The following DNAH9 variants were observed in gnomAD, a reference collection of about 807,000 sequenced individuals.
DNAH9 encodes the protein DNAH9 variant protein.
DNAH9 carries 345 observed loss-of-function variants against 471.6 expected under a neutral mutation model. The observed-to-expected ratio is 0.73, with a 90% CI of 0.67 to 0.80. DNAH9 has a LOEUF of 0.80. Ranked by LOEUF, DNAH9 falls within the 30% of genes least tolerant of loss-of-function variation. DNAH9 has a pLI of 0.00. For synonymous variants in DNAH9, 2,093 were observed against 2,123.6 expected (o/e 0.99, Z 0.40); for missense variants, 5,407 against 5,609.2 (o/e 0.96, Z 1.15).
Position 11,929,892 on chromosome 17 carries a change from C to T in DNAH9, c.11904C>T (p.Leu3968=). ...LQNIHLVAKW[L]STLEKKLEEH... ...ACATTCACCTGGTGGCCAAGTGGCT[C>T]AGCACCCTGGAGAAGAAGCTGGAGG... The change falls in exon 63 of 69, where the codon CTC becomes CTT. Residue 3968 remains leucine (L), a synonymous_variant. Transcript: ENST00000262442. The T allele has an allele frequency of 4.3e-6, 7 of 1,613,856 alleles. No homozygotes were observed. Among genetic ancestry groups the T allele is most frequent in the Non-Finnish European group, 5.9e-6 (7 of 1,179,914 alleles).
At chr17:11,959,191 A>G (rs1044170684) in intron 67 of DNAH9, among the ~76,000 whole-genome samples, 1 of 152,198 alleles carries the variant, frequency 6.6e-6, no homozygotes, top group Non-Finnish European at 1.5e-5. Context: ...TTTCTCTCTA[A>G]GTTTGGGAAC....
chr17:11,719,328 T>C lies in DNAH9; in HGVS notation c.5553-6T>C. 2 of 1,613,586 alleles carry C rather than the reference T, an allele frequency of 1.2e-6. No homozygotes were observed. The highest frequency in any genetic ancestry group is 1.7e-6 in the Non-Finnish European group (2 of 1,179,744). ...ATGATGACCTATGCCCTCCCGTGTT[T>C]GGCAGGTGCTACATCACCCTCACCC... On this transcript the variant is annotated splice_polypyrimidine_tract_variant and splice_region_variant and intron_variant, in intron 26 of 68. Coordinates refer to ENST00000262442, the MANE Select transcript of DNAH9 (RefSeq NM_001372.4).
At chr17:11,673,584 A>C (rs2074003281) in intron 17 of DNAH9, among the ~76,000 whole-genome samples, 1 of 148,956 alleles carries the variant, frequency 6.7e-6, no homozygotes, top group South Asian at 2.1e-4. Flanking sequence ...AATTTCTCAA[A>C]AGATGTGTTT....
At chr17:11,927,981 A>G (rs1019040977) in intron 62 of DNAH9, among the ~76,000 whole-genome samples, 11 of 152,208 alleles carry the variant, frequency 7.2e-5, no homozygotes, top group Non-Finnish European at 1.5e-4. Flanking sequence ...GTAGCCCACT[A>G]AACACTCTGC....
chr17:11,774,855 A>C (rs77296558), intron 38 of DNAH9, among the ~76,000 whole-genome samples: 5,377 of 152,324 alleles, frequency 0.035, 167 homozygotes, highest in East Asian at 0.14. Flanking sequence ...TTTCTAAAAA[A>C]AACTATATTG....
chr17:11,958,914 AATAAG>A (rs1975835434), intron 67 of DNAH9, among the ~76,000 whole-genome samples: 3 of 152,316 alleles, frequency 2.0e-5, no homozygotes, highest in South Asian at 2.1e-4. Context: ...ACAATATAAG[AATAAG>A]ATAATATATC....
In DNAH9 at chr17:11,693,877, A is replaced by T. The variant is rs770588290; in HGVS notation, c.4624A>T (p.Arg1542Trp). Residue 1542 changes from arginine (R) to tryptophan (W), a missense_variant, in exon 21 of 69, where the codon AGG becomes TGG. Physicochemically the swap from Arg to Trp is moderately radical, Grantham distance 101. This residue lies in a region of DNAH9 where 4,636 missense variants were observed against 4,900.3 expected (regional missense o/e 0.95). Coordinates refer to ENST00000262442, the MANE Select transcript of DNAH9 (RefSeq NM_001372.4). ...ACATTTTTATTTGCAGGATTCTAAAAGGTTTGAAGGCATCGACATTGACTT... is the reference window on the plus strand; with the variant it reads ...ACATTTTTATTTGCAGGATTCTAAATGGTTTGAAGGCATCGACATTGACTT... Reference protein sequence around the residue: ...IRAQLPQDSKRFEGIDIDFKE... With the variant: ...IRAQLPQDSKWFEGIDIDFKE... 3.7e-5 allele frequency: 60 copies of T among 1,613,982 alleles called. No homozygotes were observed. Among genetic ancestry groups the T allele is most frequent in the Non-Finnish European group, 4.9e-5 (58 of 1,180,006 alleles).
intron 67 of DNAH9, among the ~76,000 whole-genome samples, chr17:11,950,306 A>G (rs951096179): frequency 6.6e-6 from 1 of 152,232 alleles, no homozygotes; most frequent in Non-Finnish European, 1.5e-5. Flanking sequence ...GGGTTTGGAC[A>G]AATAAATAAT....
At chr17:11,903,845 A>T (rs576003879) in intron 60 of DNAH9, among the ~76,000 whole-genome samples, 3 of 152,250 alleles carry the variant, frequency 2.0e-5, no homozygotes, top group Admixed American at 2.0e-4. Flanking sequence ...TGGGAAGCAG[A>T]GGTTGCAGTG....
At chr17:11,686,414 T>A (rs1417932524) in intron 19 of DNAH9, among the ~76,000 whole-genome samples, 2 of 152,220 alleles carry the variant, frequency 1.3e-5, no homozygotes, top group Non-Finnish European at 2.9e-5. Flanking sequence ...ACCCACCCTT[T>A]TCCCTCCTAT....
intron 35 of DNAH9, among the ~76,000 whole-genome samples, chr17:11,759,934 C>A (rs1430180671): frequency 6.6e-6 from 1 of 152,124 alleles, no homozygotes; most frequent in East Asian, 1.9e-4. Context: ...GATGTGGCCG[C>A]CTCGGCCTCC....
chr17:11,660,285 C>T (rs1348777867), intron 14 of DNAH9, among the ~76,000 whole-genome samples: 2 of 150,302 alleles, frequency 1.3e-5, no homozygotes, highest in Non-Finnish European at 3.0e-5. Context: ...ATTTGATCTA[C>T]CTCATTTGCA....
intron 67 of DNAH9, among the ~76,000 whole-genome samples, chr17:11,942,925 TTG>T: frequency 6.8e-6 from 1 of 147,806 alleles, no homozygotes; most frequent in East Asian, 2.0e-4. Flanking sequence ...AGACAGAGTC[TTG>T]CTCTGTCGCC....
chr17:11,723,710 T>C (rs1444529098), intron 27 of DNAH9, among the ~76,000 whole-genome samples: 1 of 152,100 alleles, frequency 6.6e-6, no homozygotes, highest in Non-Finnish European at 1.5e-5. Flanking sequence ...CTCTGTCCCC[T>C]AGGCTGGAGT....
chr17:11,788,233 A>C (rs4791475), intron 41 of DNAH9, among the ~76,000 whole-genome samples: 111,124 of 152,102 alleles, frequency 0.73, 41,190 homozygotes, highest in African/African-American at 0.84. Context: ...TTGTCCTCTG[A>C]ATTTCATATA....
intron 6 of DNAH9, among the ~76,000 whole-genome samples, chr17:11,622,919 G>A (rs1469667267): frequency 2.0e-5 from 3 of 151,220 alleles, no homozygotes; most frequent in African/African-American, 7.3e-5. Context: ...GCTCTGGTTA[G>A]CTGCTTTGCT....
At chr17:11,900,503 CAAA>C (rs71367356) in intron 59 of DNAH9, among the ~76,000 whole-genome samples, 5 of 108,122 alleles carry the variant, frequency 4.6e-5, no homozygotes, top group South Asian at 7.0e-4. Context: ...CTTCCCCTGC[CAAA>C]AAAAAAAAAA....
At chr17:11,954,771 A>T (rs1975552717) in intron 67 of DNAH9, among the ~76,000 whole-genome samples, 1 of 78,250 alleles carries the variant, frequency 1.3e-5, no homozygotes, top group Non-Finnish European at 3.6e-5. Flanking sequence ...CTTCGTCTTA[A>T]AAAAAAAAAA....
At chr17:11,647,825 A>G (rs558150397) in intron 12 of DNAH9, among the ~76,000 whole-genome samples, 4 of 152,328 alleles carry the variant, frequency 2.6e-5, no homozygotes, top group African/African-American at 9.6e-5. Context: ...GTGGTTCTCA[A>G]CTGGTGGTGA....
Sources: allele counts gnomAD v4.1 joint callset (sites outside exome capture counted in the v4.1 genomes callset), GRCh38; gene constraint gnomAD v4.1.1; regional missense constraint gnomAD v4.1.1; transcripts MANE v1.5; gene names NCBI Gene and HGNC (gene_info 2026-07-23, HGNC 2026-07-21).